Variants in TMEM132D observed in about 807,000 individuals in gnomAD.
The protein encoded by TMEM132D is mature OL transmembrane protein.
Under a neutral mutation model 62.3 loss-of-function variants are expected in TMEM132D, and 21 were observed. That is an observed-to-expected ratio of 0.34 (90% CI 0.24 to 0.49). TMEM132D has a LOEUF of 0.49. Ranked by LOEUF, TMEM132D falls within the 20% of genes least tolerant of loss-of-function variation. The probability of loss-of-function intolerance (pLI) is 0.99; values close to 1 mark genes in which losing one functional copy is unlikely to be tolerated. For synonymous variants in TMEM132D, 621 were observed against 575.6 expected (o/e 1.08, Z -1.13); for missense variants, 1,346 against 1,402.8 (o/e 0.96, Z 0.65).
Position 129,362,385 on chromosome 12 carries a change from T to C in TMEM132D, c.1116-24568A>G, listed in dbSNP as rs982188899. On this transcript the variant is annotated intron_variant, in intron 3 of 8. Transcript: ENST00000422113. ...CAATATTCTATTTAAAAGTGAAATG[T>C]CCTTGAAGTCCTCTTGGAGCAGCCC... Among the ~76,000 whole-genome samples, 50 of 152,044 alleles carry C rather than the reference T, an allele frequency of 3.3e-4. 2 individuals are homozygous for C. Among genetic ancestry groups the C allele is most frequent in the Non-Finnish European group, 2.9e-5 (2 of 67,998 alleles).
intron 1 of TMEM132D, among the ~76,000 whole-genome samples, chr12:129,758,644 C>T (rs1230314477): frequency 2.0e-5 from 3 of 152,148 alleles, no homozygotes; most frequent in African/African-American, 7.2e-5. Context: ...GTGCCAATTC[C>T]TTTAATAACA....
chr12:129,493,232 T>G (rs1383573541), intron 3 of TMEM132D, among the ~76,000 whole-genome samples: 1 of 152,224 alleles, frequency 6.6e-6, no homozygotes, highest in African/African-American at 2.4e-5. Context: ...GGAAAAATAT[T>G]TGCTTACAGC....
intron 4 of TMEM132D, among the ~76,000 whole-genome samples, chr12:129,281,472 C>T (rs1230100291): frequency 3.3e-5 from 5 of 151,038 alleles, no homozygotes; most frequent in Admixed American, 1.3e-4. Context: ...GAGCAGAGTT[C>T]CTGCCAAGGC....
chr12:129,188,754 GGAGAGAGGGAGAGAGA>G (rs764744432), intron 5 of TMEM132D, among the ~76,000 whole-genome samples: 4,348 of 122,444 alleles, frequency 0.036, 50 homozygotes, highest in African/African-American at 0.059. Context: ...AGAGGGGGAG[GGAGAGAGGGAGAGAGA>G]GAGAGAGAGA....
At chr12:129,452,026 G>A (rs1208474692) in intron 3 of TMEM132D, among the ~76,000 whole-genome samples, 5 of 152,206 alleles carry the variant, frequency 3.3e-5, no homozygotes, top group African/African-American at 1.2e-4. Flanking sequence ...TTGAATCTGG[G>A]TTCCTGGAGG....
At chr12:129,137,175 TCAC>T (rs1287171817) in intron 5 of TMEM132D, among the ~76,000 whole-genome samples, 4 of 142,078 alleles carry the variant, frequency 2.8e-5, no homozygotes, top group South Asian at 2.3e-4. Context: ...ACCATCATCA[TCAC>T]CACCATCATC....
At chr12:129,232,664 T>C (rs1158713242) in intron 4 of TMEM132D, among the ~76,000 whole-genome samples, 1 of 152,150 alleles carries the variant, frequency 6.6e-6, no homozygotes, top group East Asian at 1.9e-4. Flanking sequence ...TAGTTTGTTC[T>C]CCCACTGCTA....
intron 1 of TMEM132D, among the ~76,000 whole-genome samples, chr12:129,775,737 C>A (rs182059381): frequency 2.6e-5 from 4 of 152,358 alleles, no homozygotes; most frequent in African/African-American, 9.6e-5. Context: ...GCCTCCCAGG[C>A]CCCTCCTCCT....
intron 4 of TMEM132D, among the ~76,000 whole-genome samples, chr12:129,318,296 C>T (rs1346639628): frequency 6.6e-6 from 1 of 152,198 alleles, no homozygotes; most frequent in Non-Finnish European, 1.5e-5. Context: ...AGGTCTAGGG[C>T]TGAAGGCTGT....
At chr12:129,337,413 GTATAGA>G (rs1230190664) in intron 4 of TMEM132D, among the ~76,000 whole-genome samples, 14 of 145,794 alleles carry the variant, frequency 9.6e-5, no homozygotes, top group South Asian at 2.2e-4. Context: ...GTTTATATTT[GTATAGA>G]TATAGATATA....
At chr12:129,579,313 A>G (rs923916687) in intron 2 of TMEM132D, among the ~76,000 whole-genome samples, 4 of 152,178 alleles carry the variant, frequency 2.6e-5, no homozygotes, top group African/African-American at 9.7e-5. Flanking sequence ...TAGTTAGTGT[A>G]TTAGTCAGGG....
intron 1 of TMEM132D, among the ~76,000 whole-genome samples, chr12:129,757,236 G>A (rs1376799): frequency 0.049 from 7,491 of 152,062 alleles, 304 homozygotes; most frequent in South Asian, 0.12. Flanking sequence ...TTACCAGCTC[G>A]CAGACCCTGT....
intron 3 of TMEM132D, among the ~76,000 whole-genome samples, chr12:129,520,334 G>C (rs904737009): frequency 1.3e-5 from 2 of 152,128 alleles, no homozygotes; most frequent in Non-Finnish European, 2.9e-5. Flanking sequence ...CCTTCTGTAA[G>C]ACCTCCCAAC....
intron 5 of TMEM132D, among the ~76,000 whole-genome samples, chr12:129,107,067 A>T (rs1340401729): frequency 1.3e-5 from 2 of 152,218 alleles, no homozygotes; most frequent in Non-Finnish European, 2.9e-5. Context: ...CATCTAGAAC[A>T]GTGCTTGGCA....
chr12:129,732,117 T>C (rs774111886), intron 1 of TMEM132D, among the ~76,000 whole-genome samples: 3 of 152,124 alleles, frequency 2.0e-5, no homozygotes, highest in African/African-American at 7.2e-5. Flanking sequence ...GCTGTCAAAA[T>C]GGCACCTGCT....
chr12:129,159,699 T>G lies in TMEM132D; in HGVS notation c.1443+49821A>C, dbSNP rs1204879744. On this transcript the variant is annotated intron_variant, in intron 5 of 8. Coordinates refer to ENST00000422113, the MANE Select transcript of TMEM132D (RefSeq NM_133448.3). ...TCACTTGAACCTGGGAGGTGGAGGT[T>G]GCAGTGAGCCTAGATTGTGCCACTG... Among the ~76,000 whole-genome samples, 6 of 140,880 alleles carry G rather than the reference T, an allele frequency of 4.3e-5. No individual in the cohort carries two copies. In the East Asian group the frequency reaches 1.2e-3, roughly 29 times the overall value. The allele number at this position is 140,880 out of a possible 152,430, so 92.4% of individuals were successfully genotyped here.
chr12:129,172,829 C>T (rs370404829), intron 5 of TMEM132D, among the ~76,000 whole-genome samples: 2 of 152,168 alleles, frequency 1.3e-5, no homozygotes, highest in Non-Finnish European at 2.9e-5. Context: ...CCACCCACCT[C>T]GGCCTCCCAA....
rs370275374 is a variant in TMEM132D at position 129,124,021 on chromosome 12, A to G, written c.1444-39319T>C. Among the ~76,000 whole-genome samples, 18 of 152,296 alleles carry G rather than the reference A, an allele frequency of 1.2e-4. No individual in the cohort carries two copies. The East Asian group carries it at 3.3e-3, about 28-fold the overall frequency. Reference sequence around the variant, plus strand: ...TCCATAACTGTGTGAGCCAATTCCTATAATAAATCTCCCCATCTGTCTATC... The same window carrying G: ...TCCATAACTGTGTGAGCCAATTCCTGTAATAAATCTCCCCATCTGTCTATC... On this transcript the variant is annotated intron_variant, in intron 5 of 8. Coordinates refer to ENST00000422113, the MANE Select transcript of TMEM132D (RefSeq NM_133448.3).
At chr12:129,280,352 A>T (rs927682599) in intron 4 of TMEM132D, among the ~76,000 whole-genome samples, 4 of 152,226 alleles carry the variant, frequency 2.6e-5, no homozygotes, top group Non-Finnish European at 5.9e-5. Context: ...AATATCCATG[A>T]CACATGCATT....
Sources: allele counts gnomAD v4.1 joint callset (sites outside exome capture counted in the v4.1 genomes callset), GRCh38; gene constraint gnomAD v4.1.1; transcripts MANE v1.5; gene names NCBI Gene and HGNC (gene_info 2026-07-23, HGNC 2026-07-21).